Variants in PRKCZ observed in about 807,000 individuals in gnomAD.
The protein encoded by PRKCZ is protein kinase C zeta type.
PRKCZ carries 33 observed loss-of-function variants against 79.5 expected under a neutral mutation model. That is an observed-to-expected ratio of 0.41 (90% CI 0.31 to 0.55). PRKCZ has a LOEUF of 0.55. Ranked by LOEUF, PRKCZ falls within the 20% of genes least tolerant of loss-of-function variation. PRKCZ has a pLI of 0.19. For synonymous variants in PRKCZ, 342 were observed against 320.9 expected (o/e 1.07, Z -0.70); for missense variants, 578 against 813.5 (o/e 0.71, Z 3.52).
rs1684934887 is a variant in PRKCZ at position 2,173,829 on chromosome 1, C to T, written c.1286-68C>T. 1 of 1,509,984 alleles carries T rather than the reference C, an allele frequency of 6.6e-7. No individual in the cohort carries two copies. The highest frequency in any genetic ancestry group is 1.3e-5 in the South Asian group (1 of 77,474). The allele number at this position is 1,509,984 out of a possible 1,614,324, so 93.5% of individuals were successfully genotyped here. A position where few individuals can be genotyped will look rare whatever the true frequency, so the allele number is the denominator to read the frequency against. On this transcript the variant is annotated intron_variant, in intron 13 of 17. Coordinates refer to ENST00000378567, the MANE Select transcript of PRKCZ (RefSeq NM_002744.6). The surrounding 1 kb of genome is among the most constrained non-coding windows in gnomAD (Gnocchi z 5.7). The stretch of plus-strand genomic sequence containing the variant: ...TGTCAACTGGGCATGAAAACCAACG[C>T]CAGCCAGGTTCGTCCTGCTGCCGGC...
chr1:2,133,013 G>A (rs575873027), intron 4 of PRKCZ, among the ~76,000 whole-genome samples: 160 of 152,348 alleles, frequency 1.1e-3, no homozygotes, highest in African/African-American at 3.8e-3. Context: ...GGGGACTGGG[G>A]ACGCCGGGCT....
chr1:2,175,427 CGAACCCCAAT>C, intron 16 of PRKCZ, 114 bp downstream of exon 16: 1 of 835,728 alleles, frequency 1.2e-6, no homozygotes, highest in Non-Finnish European at 1.8e-6. Context: ...CCACCCCATC[CGAACCCCAAT>C]ATCCATCCCA....
intron 4 of PRKCZ, among the ~76,000 whole-genome samples, chr1:2,120,948 G>A (rs1347323745): frequency 6.6e-6 from 1 of 151,458 alleles, no homozygotes; most frequent in Non-Finnish European, 1.5e-5. Context: ...CAAGCAGCTG[G>A]GATTACAGGG....
intron 4 of PRKCZ, among the ~76,000 whole-genome samples, chr1:2,108,754 T>TG (rs1669113088): frequency 6.6e-6 from 1 of 152,190 alleles, no homozygotes; most frequent in Non-Finnish European, 1.5e-5. Flanking sequence ...CCTGGGCAGA[T>TG]GGAGGTGGAT....
chr1:2,118,205 C>T (rs1174344481), intron 4 of PRKCZ, among the ~76,000 whole-genome samples: 1 of 151,616 alleles, frequency 6.6e-6, no homozygotes, highest in African/African-American at 2.4e-5. Context: ...CCATGTTGGC[C>T]AAGCTGGTCT....
In PRKCZ at chr1:2,151,086, T is replaced by G. The variant is rs534194018; in HGVS notation, c.876+108T>G. ...ATGCACGAGAGACCTAGCCTCACGT[T>G]GACGGAGTTTGTGCAAAATCAATAG... On this transcript the variant is annotated intron_variant, in intron 9 of 17. Coordinates refer to ENST00000378567, the MANE Select transcript of PRKCZ (RefSeq NM_002744.6). 4.6e-6 allele frequency: 6 copies of G among 1,316,392 alleles called. No individual in the cohort carries two copies. In the South Asian group the frequency reaches 7.3e-5, roughly 16 times the overall value. The allele number at this position is 1,316,392 out of a possible 1,614,324, so 81.5% of individuals were successfully genotyped here.
chr1:2,163,965 T>C (rs1366501069), intron 10 of PRKCZ, among the ~76,000 whole-genome samples: 1 of 151,992 alleles, frequency 6.6e-6, no homozygotes, highest in African/African-American at 2.4e-5. Flanking sequence ...TTTGTGGAGA[T>C]CATTGTTACG....
intron 4 of PRKCZ, among the ~76,000 whole-genome samples, chr1:2,116,735 G>C (rs185804037): frequency 1.3e-5 from 2 of 152,200 alleles, no homozygotes; most frequent in East Asian, 3.9e-4. Context: ...GGGGTTTTTA[G>C]TTTTCAAGGT....
chr1:2,094,650 C>T lies in PRKCZ; in HGVS notation c.334+35059C>T, dbSNP rs1189574664. ...GCCCGTTCTGAGGCGCCCGCTGTGC[C>T]CGGCTCGTTGAACCTTGGGCGCTGC... On this transcript the variant is annotated intron_variant, in intron 4 of 17. Transcript: ENST00000378567. The surrounding 1 kb of genome is among the most constrained non-coding windows in gnomAD (Gnocchi z 7.3). 7.3e-6 allele frequency among the ~76,000 whole-genome samples: 1 copy of T among 136,622 alleles called. No homozygotes were observed. Among genetic ancestry groups the T allele is most frequent in the African/African-American group, 3.0e-5 (1 of 33,392 alleles). The allele number at this position is 136,622 out of a possible 152,430, so 89.6% of individuals were successfully genotyped here. A position where few individuals can be genotyped will look rare whatever the true frequency, so the allele number is the denominator to read the frequency against.
At chr1:2,119,927 C>T (rs1571542046) in intron 4 of PRKCZ, among the ~76,000 whole-genome samples, 1 of 151,900 alleles carries the variant, frequency 6.6e-6, no homozygotes, top group African/African-American at 2.4e-5. Flanking sequence ...GCTAGGATTG[C>T]AGGTGTGCGC....
Position 2,149,869 on chromosome 1 carries a change from C to T in PRKCZ, c.688-921C>T, listed in dbSNP as rs1293925293. On this transcript the variant is annotated intron_variant, in intron 8 of 17. Coordinates refer to ENST00000378567, the MANE Select transcript of PRKCZ (RefSeq NM_002744.6). This position sits in a 1 kb window ranked among gnomAD's most constrained non-coding sequence, Gnocchi z 4.1. The stretch of plus-strand genomic sequence containing the variant: ...GAGGAAGAGTCTGTCTCAAAAAAAG[C>T]AGAATCCGGCTGGGCGCGGTGGCTC... Among the ~76,000 whole-genome samples the T allele has an allele frequency of 1.4e-5, 2 of 147,862 alleles. No individual in the cohort carries two copies. Among genetic ancestry groups the T allele is most frequent in the Middle Eastern group, 3.8e-3 (1 of 266 alleles).
intron 4 of PRKCZ, among the ~76,000 whole-genome samples, chr1:2,108,377 G>C (rs2102677945): frequency 6.6e-6 from 1 of 152,346 alleles, no homozygotes; most frequent in South Asian, 2.1e-4. Flanking sequence ...GACCTCCGTG[G>C]CTCCTGGAGG....
intron 17 of PRKCZ, 93 bp from the exon 18 acceptor site, chr1:2,184,829 T>A: frequency 7.2e-7 from 1 of 1,389,702 alleles, no homozygotes; most frequent in Non-Finnish European, 1.0e-6. Flanking sequence ...CCAGTGGGCG[T>A]TGGGGGAGGA....
In PRKCZ at chr1:2,093,086, A is replaced by G. The variant is rs565457138; in HGVS notation, c.334+33495A>G. Among the ~76,000 whole-genome samples, 26 of 152,268 alleles carry G rather than the reference A, an allele frequency of 1.7e-4. 3 individuals carry two copies. In the South Asian group the frequency reaches 5.2e-3, roughly 30 times the overall value. On this transcript the variant is annotated intron_variant, in intron 4 of 17. Transcript: ENST00000378567. ...ATGCCAATGTGATGGGTGGTTTTCA[A>G]CAGGAACTCAAGAGAAAAGTTCATG...
At chr1:2,113,986 C>T (rs1670242428) in intron 4 of PRKCZ, among the ~76,000 whole-genome samples, 1 of 152,126 alleles carries the variant, frequency 6.6e-6, no homozygotes, top group Admixed American at 6.5e-5. Flanking sequence ...GTCAAGGGCT[C>T]CACGGGGCTG....
At chr1:2,147,372 CCTCT>C (rs532102222) in intron 7 of PRKCZ, among the ~76,000 whole-genome samples, 45 of 151,422 alleles carry the variant, frequency 3.0e-4, no homozygotes, top group Admixed American at 1.8e-3. Context: ...TGTCCACTGA[CCTCT>C]CTATCTATCC....
At chr1:2,151,648 A>T (rs2103231760) in intron 9 of PRKCZ, among the ~76,000 whole-genome samples, 1 of 152,162 alleles carries the variant, frequency 6.6e-6, no homozygotes, top group East Asian at 1.9e-4. Context: ...TGATTATAGG[A>T]TCAATGGTTT....
At position 2,172,757 on chromosome 1, in the gene PRKCZ, C is replaced by T. The variant is rs144868730; in HGVS notation, c.1285+369C>T. ...TGGGGAGCCCCAGGGGGTGCAGGAG[C>T]GTGTGGACAGGACCCCACAGGCCCT... On this transcript the variant is annotated intron_variant, in intron 13 of 17. Transcript: ENST00000378567. This position sits in a 1 kb window ranked among gnomAD's most constrained non-coding sequence, Gnocchi z 7.8. Among the ~76,000 whole-genome samples the T allele has an allele frequency of 2.5e-3, 383 of 152,334 alleles. 1 individual carries two copies. The highest frequency in any genetic ancestry group is 6.8e-3 in the South Asian group (33 of 4,830).
intron 16 of PRKCZ, among the ~76,000 whole-genome samples, 188 bp downstream of exon 16, chr1:2,175,501 TCCCACCCCAACC>T (rs1557743758): frequency 3.4e-5 from 1 of 29,788 alleles, no homozygotes; most frequent in Admixed American, 4.7e-4. Context: ...CCAGCCCAAC[TCCCACCCCAACC>T]CCCAACTCAA....
Sources: allele counts gnomAD v4.1 joint callset (sites outside exome capture counted in the v4.1 genomes callset), GRCh38; gene constraint gnomAD v4.1.1; non-coding constraint Gnocchi (gnomAD v3.1); transcripts MANE v1.5; gene names NCBI Gene and HGNC (gene_info 2026-07-23, HGNC 2026-07-21).